Variants in SCCPDH observed in about 807,000 individuals in gnomAD.
SCCPDH encodes saccharopine dehydrogenase (putative), also known as saccharopine dehydrogenase-like oxidoreductase.
In SCCPDH, 34 loss-of-function variants were observed where a neutral mutation model predicts 51.5. The ratio of observed to expected loss-of-function variants is 0.66; its 90% CI spans 0.50 to 0.88. SCCPDH has a LOEUF of 0.88. Among genes scored for constraint, SCCPDH ranks in the 40% least tolerant of loss-of-function variants. The pLI, the probability that SCCPDH is intolerant of heterozygous loss-of-function variation, is 0.00. For missense variants in SCCPDH, 464 were observed against 527.1 expected (o/e 0.88, Z 1.17); for synonymous variants, 187 against 191.3 (o/e 0.98, Z 0.19).
intron 10 of SCCPDH, among the ~76,000 whole-genome samples, chr1:246,764,775 G>A (rs1669065523): frequency 6.6e-6 from 1 of 152,258 alleles, no homozygotes; most frequent in African/African-American, 2.4e-5. Flanking sequence ...TTCAAGGGAA[G>A]GGAATGGCTT....
At chr1:246,740,680 G>A (rs545242610) in intron 4 of SCCPDH, among the ~76,000 whole-genome samples, 1 of 152,304 alleles carries the variant, frequency 6.6e-6, no homozygotes, top group East Asian at 1.9e-4. Flanking sequence ...AAGCTAGAAA[G>A]TATTGAACAC....
In SCCPDH at chr1:246,763,266, T is replaced by C. The variant is rs111696553; in HGVS notation, c.991-980T>C. Among the ~76,000 whole-genome samples, 588 of 152,266 alleles carry C rather than the reference T, an allele frequency of 3.9e-3. 4 individuals carry two copies. Among genetic ancestry groups the C allele is most frequent in the African/African-American group, 0.014 (573 of 41,540 alleles). ...CATTTTTCATCCAACTTTGATTAAT[T>C]GATAGTAGCCACCCAGAGACTATGC... On this transcript the variant is annotated intron_variant, in intron 9 of 11. Coordinates refer to ENST00000366510, the MANE Select transcript of SCCPDH (RefSeq NM_016002.3).
intron 11 of SCCPDH, among the ~76,000 whole-genome samples, 161 bp from the exon 12 acceptor site, chr1:246,767,034 C>T (rs369653162): frequency 3.3e-5 from 5 of 152,292 alleles, no homozygotes; most frequent in African/African-American, 9.6e-5. Flanking sequence ...CTAATAGCTA[C>T]TTGCTCATTT....
At chr1:246,725,879 A>G (rs1480801942) in intron 1 of SCCPDH, among the ~76,000 whole-genome samples, 1 of 152,124 alleles carries the variant, frequency 6.6e-6, no homozygotes, top group Middle Eastern at 3.4e-3. Flanking sequence ...GTTAATTCCA[A>G]TTATTTTCTT....
intron 1 of SCCPDH, among the ~76,000 whole-genome samples, chr1:246,725,506 A>G (rs768630626): frequency 2.6e-5 from 4 of 152,164 alleles, no homozygotes; most frequent in Admixed American, 2.0e-4. Context: ...TTTCCCTTAT[A>G]CAGACACCCA....
At chr1:246,745,562 G>A (rs1668746469) in intron 5 of SCCPDH, among the ~76,000 whole-genome samples, 1 of 152,162 alleles carries the variant, frequency 6.6e-6, no homozygotes, top group Admixed American at 6.5e-5. Flanking sequence ...GGAGAAGCTG[G>A]GATATAGCTG....
chr1:246,728,516 C>G (rs1668436512), intron 2 of SCCPDH, among the ~76,000 whole-genome samples: 2 of 152,198 alleles, frequency 1.3e-5, no homozygotes, highest in African/African-American at 2.4e-5. Context: ...GGTCACACTT[C>G]AAATATGTGT....
chr1:246,742,734 A>G (rs183669750), intron 4 of SCCPDH, among the ~76,000 whole-genome samples: 17 of 152,328 alleles, frequency 1.1e-4, no homozygotes, highest in African/African-American at 4.1e-4. Flanking sequence ...TTCTCTTAGA[A>G]TTAAAACCAG....
At chr1:246,727,042 T>G (rs1558165406) in intron 2 of SCCPDH, 38 bp downstream of exon 2, 2 of 1,395,242 alleles carry the variant, frequency 1.4e-6, no homozygotes, top group Non-Finnish European at 2.0e-6. Flanking sequence ...GAACAAACAA[T>G]CCATTCATTT....
chr1:246,762,322 C>T (rs1442572926), intron 9 of SCCPDH, among the ~76,000 whole-genome samples: 2 of 152,038 alleles, frequency 1.3e-5, no homozygotes, highest in African/African-American at 2.4e-5. Flanking sequence ...TTTGGGTTGC[C>T]GTTTTACTTT....
chr1:246,764,902 G>A, intron 10 of SCCPDH, among the ~76,000 whole-genome samples: 1 of 152,122 alleles, frequency 6.6e-6, no homozygotes, highest in East Asian at 1.9e-4. Flanking sequence ...ATTACTGTCA[G>A]AGACAGACAG....
At chr1:246,745,191 A>T (rs1033868008) in intron 5 of SCCPDH, among the ~76,000 whole-genome samples, 5 of 152,330 alleles carry the variant, frequency 3.3e-5, no homozygotes, top group African/African-American at 9.6e-5. Context: ...TGGGAACGTA[A>T]GACATTGACG....
intron 5 of SCCPDH, among the ~76,000 whole-genome samples, chr1:246,754,589 C>T (rs1027755284): frequency 2.6e-5 from 4 of 152,354 alleles, no homozygotes; most frequent in Middle Eastern, 6.8e-3. Context: ...GCAAGACTCA[C>T]GTCTCCAGCA....
At chr1:246,758,451 G>A in intron 6 of SCCPDH, 95 bp downstream of exon 6, 1 of 852,334 alleles carries the variant, frequency 1.2e-6, no homozygotes, top group East Asian at 2.9e-5. Flanking sequence ...GAAAAGCTTG[G>A]AGACTAATTT....
rs75817896 is a variant in SCCPDH, at chr1:246,762,917, G to A, written c.991-1329G>A. 4.5e-3 allele frequency among the ~76,000 whole-genome samples: 678 copies of A among 151,196 alleles called. 6 individuals are homozygous for A. The highest frequency in any genetic ancestry group is 0.015 in the African/African-American group (633 of 41,176). Reference sequence around the variant, plus strand: ...ACATGCCCTCATCTTGCTTCTGGACGTTCTGATTCAGTAGGTCTGGAGTGG... The same window carrying A: ...ACATGCCCTCATCTTGCTTCTGGACATTCTGATTCAGTAGGTCTGGAGTGG... On this transcript the variant is annotated intron_variant, in intron 9 of 11. Transcript: ENST00000366510.
intron 5 of SCCPDH, among the ~76,000 whole-genome samples, chr1:246,754,063 T>G (rs919809767): frequency 1.3e-5 from 2 of 152,048 alleles, no homozygotes; most frequent in Admixed American, 1.3e-4. Flanking sequence ...AGGCCCCATC[T>G]CTCATCTTAG....
chr1:246,752,746 C>A (rs1012216205), intron 5 of SCCPDH, among the ~76,000 whole-genome samples: 1 of 151,866 alleles, frequency 6.6e-6, no homozygotes, highest in African/African-American at 2.4e-5. Flanking sequence ...AGGAATTTTC[C>A]CTAATCAATA....
At chr1:246,754,430 A>G (rs755253236) in intron 5 of SCCPDH, among the ~76,000 whole-genome samples, 4 of 152,346 alleles carry the variant, frequency 2.6e-5, no homozygotes, top group Admixed American at 1.3e-4. Flanking sequence ...CGGGCCCCCA[A>G]ATTTGTTAGA....
At chr1:246,759,298 G>T in intron 7 of SCCPDH, 147 bp downstream of exon 7, 1 of 594,978 alleles carries the variant, frequency 1.7e-6, no homozygotes, top group South Asian at 2.1e-5. Flanking sequence ...AATCATTAGG[G>T]TAGAACATTT....
Sources: gnomAD v4.1 joint callset for allele counts (sites outside exome capture counted in the v4.1 genomes callset) on GRCh38, gnomAD v4.1.1 for gene constraint, MANE v1.5 for transcripts, NCBI Gene and HGNC (gene_info 2026-07-23, HGNC 2026-07-21) for gene names.